Variants in ENTREP2 observed in about 807,000 individuals in gnomAD.
The protein encoded by ENTREP2 is protein ENTREP2.
the ENTREP2 span, among the ~76,000 whole-genome samples, chr15:29,189,919 C>T: frequency 6.6e-6 from 1 of 152,298 alleles, no homozygotes; most frequent in East Asian, 1.9e-4. Context: ...TGTAGCCTTG[C>T]TTTTTCAGTA....
chr15:29,423,511 G>A, the ENTREP2 span, among the ~76,000 whole-genome samples: 782 of 152,060 alleles, frequency 5.1e-3, 35 homozygotes, highest in Admixed American at 0.046. Context: ...TATTTGGGCC[G>A]GCGCGGTGGC....
At chr15:29,228,027 C>CA in the ENTREP2 span, among the ~76,000 whole-genome samples, 1 of 151,998 alleles carries the variant, frequency 6.6e-6, no homozygotes, top group African/African-American at 2.4e-5. Context: ...TGAAAGATGC[C>CA]AGACACAAAA....
At chr15:29,526,828 C>T in the ENTREP2 span, among the ~76,000 whole-genome samples, 1 of 151,938 alleles carries the variant, frequency 6.6e-6, no homozygotes, top group African/African-American at 2.4e-5. Context: ...CAACCTAACA[C>T]CCCCAGAGAA....
the ENTREP2 span, among the ~76,000 whole-genome samples, chr15:29,489,042 G>T: frequency 6.6e-6 from 1 of 152,142 alleles, no homozygotes; most frequent in Admixed American, 6.5e-5. Context: ...CTTTTATAGA[G>T]GGAGTGGTTA....
the ENTREP2 span, among the ~76,000 whole-genome samples, chr15:29,370,911 A>C: frequency 2.6e-5 from 4 of 152,150 alleles, no homozygotes; most frequent in Non-Finnish European, 4.4e-5. Flanking sequence ...AGAAGACACT[A>C]AGAACAGATT....
chr15:29,374,444 G>C, the ENTREP2 span: 1 of 152,078 alleles, frequency 6.6e-6, no homozygotes, highest in Non-Finnish European at 1.5e-5. Context: ...GGTGACATTA[G>C]ACTTCATCAA....
chr15:29,132,094 G>A, the ENTREP2 span, among the ~76,000 whole-genome samples: 28 of 152,176 alleles, frequency 1.8e-4, no homozygotes, highest in South Asian at 3.1e-3. Context: ...GACAGAGCCC[G>A]CCTTCTGCAG....
chr15:29,138,931 G>A, the ENTREP2 span, among the ~76,000 whole-genome samples: 1 of 152,112 alleles, frequency 6.6e-6, no homozygotes, highest in Non-Finnish European at 1.5e-5. Context: ...GGTGAGCCAG[G>A]GAAGGATGTG....
At chr15:29,224,219 G>A in the ENTREP2 span, among the ~76,000 whole-genome samples, 1 of 152,104 alleles carries the variant, frequency 6.6e-6, no homozygotes, top group South Asian at 2.1e-4. Flanking sequence ...CGCGTCTGGA[G>A]TTGTTCGTTC....
the ENTREP2 span, among the ~76,000 whole-genome samples, chr15:29,654,050 T>G: frequency 6.6e-6 from 1 of 152,218 alleles, no homozygotes; most frequent in East Asian, 1.9e-4. Flanking sequence ...CAGATCAGTA[T>G]AGCTATACTT....
At chr15:29,323,318 A>C in the ENTREP2 span, among the ~76,000 whole-genome samples, 16 of 152,144 alleles carry the variant, frequency 1.1e-4, no homozygotes, top group Non-Finnish European at 1.3e-4. Flanking sequence ...TTAATCAATC[A>C]TGCCTACACA....
At chr15:29,235,186 A>G in the ENTREP2 span, 1 of 668,776 alleles carries the variant, frequency 1.5e-6, no homozygotes, top group African/African-American at 1.8e-5. Context: ...GAATCTTTTC[A>G]AAGTGTCATA....
the ENTREP2 span, among the ~76,000 whole-genome samples, chr15:29,419,996 C>T: frequency 5.9e-5 from 9 of 152,110 alleles, no homozygotes; most frequent in Non-Finnish European, 1.2e-4. Flanking sequence ...ATATGGACTG[C>T]GACCAAACTT....
the ENTREP2 span, among the ~76,000 whole-genome samples, chr15:29,441,155 G>T: frequency 4.6e-3 from 694 of 152,310 alleles, 3 homozygotes; most frequent in Non-Finnish European, 7.2e-3. Flanking sequence ...TCAGACACAT[G>T]CCACAACATG....
At chr15:29,216,612 G>C in the ENTREP2 span, among the ~76,000 whole-genome samples, 1 of 152,154 alleles carries the variant, frequency 6.6e-6, no homozygotes, top group South Asian at 2.1e-4. Context: ...TCATTCTTAG[G>C]GTTGGTCATT....
chr15:29,316,149 TC>T, the ENTREP2 span, among the ~76,000 whole-genome samples: 1 of 152,038 alleles, frequency 6.6e-6, no homozygotes, highest in Non-Finnish European at 1.5e-5. Flanking sequence ...TTAATTAAAA[TC>T]CCTAAAATCA....
chr15:29,180,891 G>A, the ENTREP2 span, among the ~76,000 whole-genome samples: 55 of 151,790 alleles, frequency 3.6e-4, no homozygotes, highest in South Asian at 0.011. Flanking sequence ...ACTGAATTTA[G>A]TAACAGCATA....
chr15:29,158,528 C>G, the ENTREP2 span, among the ~76,000 whole-genome samples: 2 of 152,072 alleles, frequency 1.3e-5, no homozygotes, highest in Middle Eastern at 3.4e-3. Context: ...GCCTCAGCCT[C>G]CCAAGTATCT....
the ENTREP2 span, among the ~76,000 whole-genome samples, chr15:29,327,250 A>G: frequency 6.6e-6 from 1 of 152,234 alleles, no homozygotes; most frequent in Non-Finnish European, 1.5e-5. Flanking sequence ...TCCAAAATGT[A>G]TAAAGAAAAG....
Sources: gnomAD v4.1 joint callset for allele counts (sites outside exome capture counted in the v4.1 genomes callset) on GRCh38, gnomAD v4.1.1 for gene constraint, MANE v1.5 for transcripts, NCBI Gene and HGNC (gene_info 2026-07-23, HGNC 2026-07-21) for gene names.